The following RAI1 variants were observed in gnomAD, a reference collection of about 807,000 sequenced individuals.
RAI1 encodes retinoic acid induced 1.
Under a neutral mutation model 123.8 loss-of-function variants are expected in RAI1, and 9 were observed. The ratio of observed to expected loss-of-function variants is 0.07; its 90% CI spans 0.04 to 0.13. The LOEUF is 0.13. RAI1 is among the 10% of genes least tolerant of loss of function. RAI1 has a pLI of 1.00. For synonymous variants in RAI1, 1,231 were observed against 1,127.3 expected (o/e 1.09, Z -1.84); for missense variants, 2,256 against 2,545.8 (o/e 0.89, Z 2.45).
Position 17,801,896 on chromosome 17 carries a change from C to A in RAI1, c.5566-1860C>A, listed in dbSNP as rs1282753609. ...GTAACCCAGGTAAAATAACAGTAAT[C>A]CCATCATAAGGTTGCTGTGGGCATG... On this transcript the variant is annotated intron_variant, in intron 3 of 5. Coordinates refer to ENST00000353383, the MANE Select transcript of RAI1 (RefSeq NM_030665.4). The surrounding 1 kb of genome is among the most constrained non-coding windows in gnomAD (Gnocchi z 4.1). 2 of 365,988 alleles carry A rather than the reference C, an allele frequency of 5.5e-6. No homozygotes were observed. Among genetic ancestry groups the A allele is most frequent in the Non-Finnish European group, 1.1e-5 (2 of 184,228 alleles). The allele number at this position is 365,988 out of a possible 1,614,324, so 22.7% of individuals were successfully genotyped here.
At position 17,795,626 on chromosome 17, in the gene RAI1, C is replaced by T; in HGVS notation, c.2678C>T (p.Pro893Leu). Residue 893 changes from proline to leucine, a missense_variant, in exon 3 of 6, where the codon CCC (proline) becomes CTC (leucine). Transcript: ENST00000353383. The surrounding 1 kb of genome is among the most constrained non-coding windows in gnomAD (Gnocchi z 5.9). Reference sequence around the variant, plus strand: ...CCTGGCATGCAGGACCCGCTGTCACCCAAGGCCCCACTCATCTGCACCAAG... The same window carrying T: ...CCTGGCATGCAGGACCCGCTGTCACTCAAGGCCCCACTCATCTGCACCAAG... ...QRPGMQDPLS[P>L]KAPLICTKEE... 7.4e-6 allele frequency: 12 copies of T among 1,613,270 alleles called. No homozygotes were observed. The highest frequency in any genetic ancestry group is 1.0e-5 in the Non-Finnish European group (12 of 1,179,880).
At chr17:17,751,851 C>T (rs2030187693) in intron 2 of RAI1, among the ~76,000 whole-genome samples, 1 of 152,216 alleles carries the variant, frequency 6.6e-6, no homozygotes, top group Middle Eastern at 3.2e-3. Flanking sequence ...CACTCAGTCG[C>T]GGTGTAACGC....
intron 2 of RAI1, among the ~76,000 whole-genome samples, chr17:17,772,689 G>A (rs1476965117): frequency 1.3e-5 from 2 of 152,190 alleles, no homozygotes; most frequent in African/African-American, 4.8e-5. Context: ...GGTCTCAGGT[G>A]AAGTGTCACT....
intron 1 of RAI1, among the ~76,000 whole-genome samples, chr17:17,696,980 C>T (rs997690351): frequency 2.6e-5 from 4 of 152,226 alleles, no homozygotes; most frequent in Non-Finnish European, 2.9e-5. Context: ...CTTCTCTAGC[C>T]TCTCTCTGGA....
rs749777073 is a variant in RAI1, at chr17:17,802,270, G to A, written c.5566-1486G>A. The A allele has an allele frequency of 2.3e-5, 10 of 434,028 alleles. 1 individual carries two copies. The highest frequency in any genetic ancestry group is 9.7e-5 in the Admixed American group (4 of 41,120). The allele number at this position is 434,028 out of a possible 1,614,324, so 26.9% of individuals were successfully genotyped here. ...GTCAGCCATCTCAAGGGATTACCACGTCACCGCCTCCTCTCACAGGTCTGA... is the reference window on the plus strand; with the variant it reads ...GTCAGCCATCTCAAGGGATTACCACATCACCGCCTCCTCTCACAGGTCTGA... On this transcript the variant is annotated intron_variant, in intron 3 of 5. Transcript: ENST00000353383.
chr17:17,809,192 G>T lies in RAI1; in HGVS notation c.5660-198G>T. ...GAGGTGAGGTGAGTCAAGACTGCCAGGCCAGGGGCCGCACCCGCGCCGTGG... is the reference window on the plus strand; with the variant it reads ...GAGGTGAGGTGAGTCAAGACTGCCATGCCAGGGGCCGCACCCGCGCCGTGG... On this transcript the variant is annotated intron_variant, in intron 4 of 5. Coordinates refer to ENST00000353383, the MANE Select transcript of RAI1 (RefSeq NM_030665.4). This position sits in a 1 kb window ranked among gnomAD's most constrained non-coding sequence, Gnocchi z 4.9. The T allele has an allele frequency of 1.5e-6, 1 of 680,446 alleles. No homozygotes were observed. Among genetic ancestry groups the T allele is most frequent in the Non-Finnish European group, 2.7e-6 (1 of 375,062 alleles). The allele number at this position is 680,446 out of a possible 1,614,324, so 42.2% of individuals were successfully genotyped here.
At chr17:17,695,531 C>CTTT (rs10692662) in intron 1 of RAI1, among the ~76,000 whole-genome samples, 2,698 of 145,466 alleles carry the variant, frequency 0.019, 87 homozygotes, top group African/African-American at 0.064. Context: ...TTCTCTCTCT[C>CTTT]TTTTTTTTTT....
intron 1 of RAI1, among the ~76,000 whole-genome samples, chr17:17,722,345 GC>G (rs1915907173): frequency 1.3e-5 from 2 of 152,190 alleles, no homozygotes. Context: ...CTCAATCACA[GC>G]CCCGGGGCTC....
At chr17:17,760,552 G>A (rs910842527) in intron 2 of RAI1, among the ~76,000 whole-genome samples, 10 of 152,168 alleles carry the variant, frequency 6.6e-5, no homozygotes, top group Non-Finnish European at 1.0e-4. Flanking sequence ...GACGTCCAAC[G>A]TCCACTCCCA....
At chr17:17,709,191 A>C (rs1026912922) in intron 1 of RAI1, among the ~76,000 whole-genome samples, 2 of 152,164 alleles carry the variant, frequency 1.3e-5, no homozygotes, top group Admixed American at 6.5e-5. Flanking sequence ...AGAGACCCCA[A>C]GGAGGGCGTA....
chr17:17,766,575 G>A (rs2142993843), intron 2 of RAI1, among the ~76,000 whole-genome samples: 1 of 152,308 alleles, frequency 6.6e-6, no homozygotes, highest in East Asian at 1.9e-4. Flanking sequence ...GGGCGTGCTG[G>A]GGCCTCAACC....
At chr17:17,691,894 G>T (rs1914850348) in intron 1 of RAI1, among the ~76,000 whole-genome samples, 1 of 152,174 alleles carries the variant, frequency 6.6e-6, no homozygotes, top group Non-Finnish European at 1.5e-5. Flanking sequence ...AGGTGGGAAA[G>T]AGAAGCAGGA....
intron 2 of RAI1, among the ~76,000 whole-genome samples, chr17:17,771,588 A>G (rs1598067927): frequency 1.3e-5 from 2 of 152,320 alleles, no homozygotes; most frequent in South Asian, 4.1e-4. Context: ...TATGGCAGAG[A>G]TGCAGGGATT....
intron 1 of RAI1, among the ~76,000 whole-genome samples, chr17:17,713,704 T>C (rs1915631988): frequency 6.6e-6 from 1 of 152,200 alleles, no homozygotes; most frequent in African/African-American, 2.4e-5. Flanking sequence ...GTAATTGTCA[T>C]AGGGTGAAGG....
intron 2 of RAI1, among the ~76,000 whole-genome samples, chr17:17,784,401 G>T (rs958152418): frequency 4.6e-4 from 70 of 152,348 alleles, no homozygotes; most frequent in Non-Finnish European, 8.5e-4. Flanking sequence ...GGGAGACCTT[G>T]TTCCCCTTTC....
At chr17:17,695,773 T>G (rs1289619305) in intron 1 of RAI1, among the ~76,000 whole-genome samples, 1 of 152,096 alleles carries the variant, frequency 6.6e-6, no homozygotes, top group Non-Finnish European at 1.5e-5. Context: ...CCTCCCACCT[T>G]CGCCTCCCTA....
At chr17:17,738,300 G>A (rs1916503471) in intron 2 of RAI1, among the ~76,000 whole-genome samples, 1 of 151,558 alleles carries the variant, frequency 6.6e-6, no homozygotes, top group Non-Finnish European at 1.5e-5. Context: ...GGGGTGGGCT[G>A]GGGTGGGTGA....
intron 1 of RAI1, among the ~76,000 whole-genome samples, chr17:17,687,457 C>T (rs1914680084): frequency 6.6e-6 from 1 of 152,154 alleles, no homozygotes; most frequent in Non-Finnish European, 1.5e-5. Flanking sequence ...AGAACAGGGA[C>T]AGCAGGCATG....
rs777108697 is a variant in RAI1, at chr17:17,798,223, G to A, written c.5275G>A (p.Gly1759Ser). 20 of 1,611,446 alleles carry A rather than the reference G, an allele frequency of 1.2e-5. No individual in the cohort carries two copies. The highest frequency in any genetic ancestry group is 4.0e-5 in the African/African-American group (3 of 74,908). The change falls in exon 3 of 6, where the codon GGC becomes AGC. Residue 1759 changes from glycine to serine, a missense_variant. By Grantham distance (56) the Gly-to-Ser change is moderately conservative. This residue lies in a region of RAI1 where 243 missense variants were observed against 316.6 expected (regional missense o/e 0.77). Transcript: ENST00000353383. ...TGCCGGGAAGCCCCCCAGGCCTGAC[G>A]GCCCAGCTGACCCGGCCAAGCAGGG... Reference protein sequence around the residue: ...ATAGKPPRPDGPADPAKQGPL... With the variant: ...ATAGKPPRPDSPADPAKQGPL...
Sources: gnomAD v4.1 joint callset for allele counts (sites outside exome capture counted in the v4.1 genomes callset) on GRCh38, gnomAD v4.1.1 for gene constraint, gnomAD v4.1.1 regional missense constraint, Gnocchi (gnomAD v3.1) non-coding constraint, MANE v1.5 for transcripts, NCBI Gene and HGNC (gene_info 2026-07-23, HGNC 2026-07-21) for gene names.